The following TAFA1 variants were observed in gnomAD, a reference collection of about 807,000 sequenced individuals.
TAFA1 encodes the protein chemokine-like protein TAFA-1.
Under a neutral mutation model 18.5 loss-of-function variants are expected in TAFA1, and 4 were observed. That is an observed-to-expected ratio of 0.22 (90% confidence interval 0.11 to 0.49). The LOEUF (loss-of-function observed/expected upper bound fraction) is 0.49. TAFA1 is among the 20% of genes least tolerant of loss of function. TAFA1 has a pLI of 0.98. For synonymous variants in TAFA1, 56 were observed against 55.2 expected (o/e 1.01, Z -0.06); for missense variants, 147 against 169.0 (o/e 0.87, Z 0.72).
At chr3:68,425,595 A>G (rs1172341590) in intron 3 of TAFA1, among the ~76,000 whole-genome samples, 1 of 151,930 alleles carries the variant, frequency 6.6e-6, no homozygotes, top group African/African-American at 2.4e-5. Context: ...GCAAGTCTGC[A>G]TTCATAAGAG....
intron 2 of TAFA1, among the ~76,000 whole-genome samples, chr3:68,124,844 G>A (rs570540749): frequency 6.6e-6 from 1 of 152,300 alleles, no homozygotes; most frequent in African/African-American, 2.4e-5. Flanking sequence ...TGTCCAAAAG[G>A]CAGAACTTCT....
At chr3:68,419,832 G>A (rs1036237446) in intron 3 of TAFA1, among the ~76,000 whole-genome samples, 1 of 152,140 alleles carries the variant, frequency 6.6e-6, no homozygotes, top group African/African-American at 2.4e-5. Flanking sequence ...GAAAATAAAG[G>A]AATCGCGGTG....
chr3:68,226,608 C>T (rs1412772024), intron 2 of TAFA1, among the ~76,000 whole-genome samples: 1 of 151,732 alleles, frequency 6.6e-6, no homozygotes, highest in African/African-American at 2.4e-5. Context: ...TCATTGCTTG[C>T]CCTCCTCTTC....
At chr3:68,101,791 C>T (rs2065150628) in intron 2 of TAFA1, among the ~76,000 whole-genome samples, 2 of 152,102 alleles carry the variant, frequency 1.3e-5, no homozygotes. Context: ...ATGGAGTGCT[C>T]TCCAAAAACT....
intron 2 of TAFA1, among the ~76,000 whole-genome samples, chr3:68,152,439 G>C (rs1575647817): frequency 6.6e-6 from 1 of 152,222 alleles, no homozygotes; most frequent in East Asian, 1.9e-4. Flanking sequence ...GTAAAACCCT[G>C]GTGCAAGTCA....
chr3:68,067,168 T>A (rs1433061520), intron 2 of TAFA1, among the ~76,000 whole-genome samples: 1 of 152,166 alleles, frequency 6.6e-6, no homozygotes, highest in Non-Finnish European at 1.5e-5. Flanking sequence ...TAACCCCAAA[T>A]CTACTTCCTT....
chr3:68,165,348 G>A (rs776813649), intron 2 of TAFA1, among the ~76,000 whole-genome samples: 11 of 152,150 alleles, frequency 7.2e-5, no homozygotes, highest in Admixed American at 2.0e-4. Flanking sequence ...TCCCAATTCT[G>A]TCTGAAGCCC....
intron 2 of TAFA1, among the ~76,000 whole-genome samples, chr3:68,344,638 A>G (rs1461384076): frequency 6.6e-6 from 1 of 152,066 alleles, no homozygotes; most frequent in African/African-American, 2.4e-5. Context: ...TTTTCCCCCT[A>G]GCTTTGTGAC....
At chr3:68,316,309 G>A (rs2068604333) in intron 2 of TAFA1, among the ~76,000 whole-genome samples, 2 of 152,092 alleles carry the variant, frequency 1.3e-5, no homozygotes, top group African/African-American at 4.8e-5. Context: ...GAAATGAACT[G>A]GTTAAATAAA....
At chr3:68,416,903 G>T (rs1486003362) in intron 2 of TAFA1, among the ~76,000 whole-genome samples, 1 of 152,166 alleles carries the variant, frequency 6.6e-6, no homozygotes, top group African/African-American at 2.4e-5. Flanking sequence ...AGTGTCACTT[G>T]TCAATAGAAC....
At chr3:68,311,191 A>G (rs9833529) in intron 2 of TAFA1, among the ~76,000 whole-genome samples, 115 of 152,282 alleles carry the variant, frequency 7.6e-4, no homozygotes, top group African/African-American at 2.6e-3. Context: ...CCATGATTCA[A>G]TCGTGTCCCA....
chr3:68,199,899 C>T (rs768235854), intron 2 of TAFA1, among the ~76,000 whole-genome samples: 10 of 151,508 alleles, frequency 6.6e-5, no homozygotes, highest in South Asian at 4.2e-4. Flanking sequence ...TGGTGAGAGG[C>T]GACACCCTTG....
intron 3 of TAFA1, among the ~76,000 whole-genome samples, chr3:68,487,593 G>GA (rs988265538): frequency 2.9e-4 from 44 of 150,396 alleles, no homozygotes; most frequent in Non-Finnish European, 4.4e-4. Flanking sequence ...TAAAAATACA[G>GA]AAAAAAAAAT....
intron 2 of TAFA1, among the ~76,000 whole-genome samples, chr3:68,100,528 A>G (rs1000271624): frequency 2.0e-5 from 3 of 152,052 alleles, no homozygotes; most frequent in Non-Finnish European, 4.4e-5. Flanking sequence ...CTCATTTCCA[A>G]ATTTAGTGTC....
chr3:68,408,579 CTT>C (rs2070655472), intron 2 of TAFA1, among the ~76,000 whole-genome samples: 1 of 152,074 alleles, frequency 6.6e-6, no homozygotes, highest in East Asian at 1.9e-4. Flanking sequence ...TCCTATTTTC[CTT>C]TTCTTTCCCT....
At position 68,030,989 on chromosome 3, in the gene TAFA1, A is replaced by G. The variant is rs1241945688; in HGVS notation, c.118+24245A>G. Reference sequence around the variant, plus strand: ...TGGACTCATTACCAGAAAGAATTGTACCAACAAAAAAGAAATATCATGGAT... The same window carrying G: ...TGGACTCATTACCAGAAAGAATTGTGCCAACAAAAAAGAAATATCATGGAT... On this transcript the variant is annotated intron_variant, in intron 2 of 4. Coordinates refer to ENST00000478136, the MANE Select transcript of TAFA1 (RefSeq NM_213609.4). Among the ~76,000 whole-genome samples the G allele has an allele frequency of 2.0e-5, 3 of 152,192 alleles. No individual in the cohort carries two copies. In the South Asian group the frequency reaches 6.2e-4, roughly 31 times the overall value.
At chr3:68,437,024 G>A (rs1575865561) in intron 3 of TAFA1, among the ~76,000 whole-genome samples, 1 of 152,046 alleles carries the variant, frequency 6.6e-6, no homozygotes, top group Non-Finnish European at 1.5e-5. Context: ...ACACAGCAAT[G>A]TAAACATAAA....
At chr3:68,140,478 C>T (rs1325804637) in intron 2 of TAFA1, among the ~76,000 whole-genome samples, 1 of 152,210 alleles carries the variant, frequency 6.6e-6, no homozygotes, top group Admixed American at 6.5e-5. Context: ...TTGGACTATA[C>T]ATTTCTAAAA....
chr3:68,234,914 A>T (rs776367045), intron 2 of TAFA1, among the ~76,000 whole-genome samples: 11 of 152,188 alleles, frequency 7.2e-5, no homozygotes, highest in Non-Finnish European at 1.3e-4. Context: ...AATCCTTGGC[A>T]GTGTACATGC....
Sources: allele counts gnomAD v4.1 joint callset (sites outside exome capture counted in the v4.1 genomes callset), GRCh38; gene constraint gnomAD v4.1.1; transcripts MANE v1.5; gene names NCBI Gene and HGNC (gene_info 2026-07-23, HGNC 2026-07-21).